Variants in MAPT observed in about 807,000 individuals in gnomAD.
MAPT encodes the protein microtubule associated protein tau, also known as microtubule-associated protein tau.
In MAPT, 34 loss-of-function variants were observed where a neutral mutation model predicts 67.9. The observed-to-expected ratio is 0.50, with a 90% confidence interval of 0.38 to 0.67. The LOEUF (loss-of-function observed/expected upper bound fraction) is 0.67, where lower values mean the gene tolerates loss of function less well. Among genes scored for constraint, MAPT ranks in the 30% least tolerant of loss-of-function variants. MAPT has a pLI of 0.00. For synonymous variants in MAPT, 456 were observed against 464.5 expected (o/e 0.98, Z 0.23); for missense variants, 881 against 1,115.2 (o/e 0.79, Z 2.99).
chr17:46,004,588 A>G (rs2075279973), intron 9 of MAPT, among the ~76,000 whole-genome samples: 1 of 152,162 alleles, frequency 6.6e-6, no homozygotes, highest in African/African-American at 2.4e-5. Flanking sequence ...AATGACAACC[A>G]TTCCTCTTTT....
intron 1 of MAPT, among the ~76,000 whole-genome samples, chr17:45,927,987 G>A (rs1252832868): frequency 3.1e-5 from 4 of 129,448 alleles, no homozygotes; most frequent in Admixed American, 1.7e-4. Flanking sequence ...GTGACAGAGT[G>A]AGACTCCGTC....
intron 9 of MAPT, among the ~76,000 whole-genome samples, chr17:46,006,265 G>A (rs953867984): frequency 3.9e-5 from 6 of 152,302 alleles, no homozygotes; most frequent in Non-Finnish European, 7.3e-5. Context: ...CCATGAAAAA[G>A]AATGAGAATC....
Position 46,010,050 on chromosome 17 carries a change from G to A in MAPT, c.1999-260G>A, listed in dbSNP as rs1294793813. Reference sequence around the variant, plus strand: ...AGTGAGGACCTGCAATCCCAGCTTCGTAAAGCCCGCTGGAAATCACTCACA... The same window carrying A: ...AGTGAGGACCTGCAATCCCAGCTTCATAAAGCCCGCTGGAAATCACTCACA... On this transcript the variant is annotated intron_variant, in intron 9 of 12. Transcript: ENST00000262410. The surrounding 1 kb of genome is among the most constrained non-coding windows in gnomAD (Gnocchi z 4.7). 5.9e-5 allele frequency among the ~76,000 whole-genome samples: 9 copies of A among 152,146 alleles called. No homozygotes were observed. Among genetic ancestry groups the A allele is most frequent in the Admixed American group, 1.3e-4 (2 of 15,272 alleles).
intron 6 of MAPT, among the ~76,000 whole-genome samples, chr17:45,987,518 TG>T (rs1246442843): frequency 6.6e-6 from 1 of 152,204 alleles, no homozygotes; most frequent in East Asian, 1.9e-4. Context: ...CTTCACCCAT[TG>T]TTTACTGTCT....
intron 1 of MAPT, among the ~76,000 whole-genome samples, chr17:45,950,656 A>AT (rs1236381422): frequency 2.0e-5 from 3 of 151,862 alleles, no homozygotes; most frequent in Non-Finnish European, 2.9e-5. Flanking sequence ...AATTTTTAAA[A>AT]TTTTATTTAT....
chr17:45,904,368 A>C (rs375509020), intron 1 of MAPT, among the ~76,000 whole-genome samples: 1 of 76,802 alleles, frequency 1.3e-5, no homozygotes, highest in Non-Finnish European at 2.9e-5. Flanking sequence ...ATATATATTA[A>C]ATATATTTTA....
chr17:45,947,294 G>C (rs62062786), intron 1 of MAPT, among the ~76,000 whole-genome samples: 21,800 of 151,930 alleles, frequency 0.14, 2,142 homozygotes, highest in Non-Finnish European at 0.22. Flanking sequence ...TTGGGGACCA[G>C]CTGCCACAGA....
At chr17:46,009,133 G>A (rs2075650684) in intron 9 of MAPT, among the ~76,000 whole-genome samples, 4 of 152,090 alleles carry the variant, frequency 2.6e-5, no homozygotes, top group African/African-American at 9.7e-5. Flanking sequence ...CTGGGAAGTC[G>A]AGGCTGCACT....
intron 1 of MAPT, among the ~76,000 whole-genome samples, chr17:45,905,558 A>G (rs918230824): frequency 2.0e-5 from 3 of 152,194 alleles, no homozygotes; most frequent in Admixed American, 2.0e-4. Context: ...AATAAAAATA[A>G]AAAGACTTTT....
chr17:46,012,227 C>T (rs181328734), intron 10 of MAPT, among the ~76,000 whole-genome samples: 34 of 152,314 alleles, frequency 2.2e-4, no homozygotes, highest in African/African-American at 7.0e-4. Flanking sequence ...ACACGGGCTG[C>T]GTGGCCAACC....
chr17:45,900,198 G>T (rs888057755), intron 1 of MAPT, among the ~76,000 whole-genome samples: 1 of 152,316 alleles, frequency 6.6e-6, no homozygotes, highest in East Asian at 1.9e-4. Context: ...TTTGCAATAA[G>T]TATTCCATTA....
rs2075777752 is a variant in MAPT, at chr17:46,010,868, G to A, written c.2091+466G>A. On this transcript the variant is annotated intron_variant, in intron 10 of 12. Coordinates refer to ENST00000262410, the MANE Select transcript of MAPT (RefSeq NM_001377265.1). The surrounding 1 kb of genome is among the most constrained non-coding windows in gnomAD (Gnocchi z 4.7). ...CAGGTTGACGTTGAGTGGCTCCACT[G>A]TGGACAGGTGACCCGTTTGTTCTGA... Among the ~76,000 whole-genome samples the A allele has an allele frequency of 6.6e-6, 1 of 152,256 alleles. No individual in the cohort carries two copies. Among genetic ancestry groups the A allele is most frequent in the Non-Finnish European group, 1.5e-5 (1 of 68,050 alleles).
chr17:46,003,436 G>C (rs565669134), intron 9 of MAPT, among the ~76,000 whole-genome samples: 1 of 151,940 alleles, frequency 6.6e-6, no homozygotes, highest in Non-Finnish European at 1.5e-5. Context: ...ACACCACCAT[G>C]CCTAGCAAAT....
At chr17:45,991,960 ATTT>A (rs2074092244) in intron 8 of MAPT, among the ~76,000 whole-genome samples, 1 of 151,604 alleles carries the variant, frequency 6.6e-6, no homozygotes, top group African/African-American at 2.4e-5. Context: ...AATTTTTTGT[ATTT>A]TTAGTAGAGA....
intron 1 of MAPT, chr17:45,895,491 A>G (rs1424043790): frequency 6.6e-6 from 1 of 152,270 alleles, no homozygotes. Context: ...TGGCCTGGCG[A>G]TGTGGACGGA....
Position 45,983,214 on chromosome 17 carries a change from TC to T in MAPT, c.637del (p.Arg213GlufsTer8). 1 of 1,607,732 alleles carries T rather than the reference TC, an allele frequency of 6.2e-7. No homozygotes were observed. Among genetic ancestry groups the T allele is most frequent in the East Asian group, 2.2e-5 (1 of 44,746 alleles). Reference protein sequence around the residue: ...ESGKVVQEGFLREPGPPGLSH... With the variant: ...ESGKVVQEGFXREPGPPGLSH... ...GGTAAGGTGGTCCAGGAAGGCTTCCTCCGAGAGCCAGGCCCCCCAGGTCTGA... is the reference window on the plus strand; with the variant it reads ...GGTAAGGTGGTCCAGGAAGGCTTCCTCGAGAGCCAGGCCCCCCAGGTCTGA... On this transcript the variant is annotated frameshift_variant, in exon 5 of 13. Transcript: ENST00000262410. LOFTEE classifies it high-confidence loss of function.
chr17:45,926,745 T>A (rs1177462280), intron 1 of MAPT, among the ~76,000 whole-genome samples: 1 of 152,166 alleles, frequency 6.6e-6, no homozygotes, highest in Non-Finnish European at 1.5e-5. Flanking sequence ...AGACAGGCTT[T>A]TCTATGCCCA....
chr17:45,983,081 C>T lies in MAPT; in HGVS notation c.502C>T (p.Gln168Ter), dbSNP rs2073139278. 1 of 1,542,488 alleles carries T rather than the reference C, an allele frequency of 6.5e-7. No homozygotes were observed. Among genetic ancestry groups the T allele is most frequent in the Non-Finnish European group, 8.8e-7 (1 of 1,140,666 alleles). The change falls in exon 5 of 13, where the codon CAG becomes TAG. Residue 168 changes from glutamine to a stop codon, truncating the protein, a stop_gained. Coordinates refer to ENST00000262410, the MANE Select transcript of MAPT (RefSeq NM_001377265.1). LOFTEE classifies it high-confidence loss of function. ...AGCGCCTCCTCCAACAGGAGGCCCT[C>T]AGGAGCCCTCCCTGGAGTGGGGACA... ...CPAPPPTGGP[Q>*]EPSLEWGQKG...
At chr17:45,994,603 G>T (rs1029172942) in intron 8 of MAPT, among the ~76,000 whole-genome samples, 2 of 152,130 alleles carry the variant, frequency 1.3e-5, no homozygotes, top group African/African-American at 4.8e-5. Context: ...TGGGAGAATC[G>T]CTTGAGGCCA....
Sources: allele counts gnomAD v4.1 joint callset (sites outside exome capture counted in the v4.1 genomes callset), GRCh38; gene constraint gnomAD v4.1.1; non-coding constraint Gnocchi (gnomAD v3.1); transcripts MANE v1.5; gene names NCBI Gene and HGNC (gene_info 2026-07-23, HGNC 2026-07-21).